The following GPHN variants were observed in gnomAD, a reference collection of about 807,000 sequenced individuals.
The protein encoded by GPHN is gephyrin.
A neutral mutation model predicts 95.5 loss-of-function variants in GPHN; 17 were observed. The ratio of observed to expected loss-of-function variants is 0.18; its 90% confidence interval spans 0.12 to 0.27. The LOEUF is 0.27. GPHN is among the 10% of genes least tolerant of loss of function. The pLI, the probability that GPHN is intolerant of heterozygous loss-of-function variation, is 1.00. For missense variants in GPHN, 660 were observed against 978.1 expected (o/e 0.67, Z 4.34); for synonymous variants, 320 against 322.5 (o/e 0.99, Z 0.08).
intron 10 of GPHN, among the ~76,000 whole-genome samples, chr14:67,024,308 C>T (rs561751930): frequency 3.9e-5 from 6 of 152,170 alleles, no homozygotes; most frequent in Admixed American, 1.3e-4. Context: ...CATTGAAAAT[C>T]GTGTCTTAAA....
At chr14:66,641,668 G>A (rs1952069) in intron 1 of GPHN, among the ~76,000 whole-genome samples, 36,064 of 132,442 alleles carry the variant, frequency 0.27, 8,775 homozygotes, top group African/African-American at 0.61. Flanking sequence ...AAAAAAAAAA[G>A]AGAGAGGTAG....
At chr14:67,257,345 G>A in the GPHN span, among the ~76,000 whole-genome samples, 46 of 152,258 alleles carry the variant, frequency 3.0e-4, no homozygotes, top group South Asian at 8.3e-3. Context: ...TGGGCAAATG[G>A]TGAGGGAGGT....
intron 9 of GPHN, among the ~76,000 whole-genome samples, chr14:66,983,854 T>C (rs754196973): frequency 2.0e-5 from 3 of 152,178 alleles, no homozygotes; most frequent in Non-Finnish European, 2.9e-5. Context: ...ACAGACATAG[T>C]ACATATACAT....
At chr14:67,196,578 AGG>A in the GPHN span, among the ~76,000 whole-genome samples, 1 of 152,208 alleles carries the variant, frequency 6.6e-6, no homozygotes, top group East Asian at 1.9e-4. Context: ...GGTAATCGTA[AGG>A]AGCACACTTT....
the GPHN span, chr14:67,620,032 C>G: frequency 6.2e-7 from 1 of 1,612,234 alleles, no homozygotes; most frequent in Middle Eastern, 1.7e-4. Flanking sequence ...GCATTCCATC[C>G]TGAAGAAATC....
chr14:67,006,150 A>G (rs142295343), intron 9 of GPHN, among the ~76,000 whole-genome samples: 186 of 152,234 alleles, frequency 1.2e-3, no homozygotes, highest in Non-Finnish European at 2.2e-3. Flanking sequence ...CATAAGCAGC[A>G]GCTTGTAGAA....
chr14:67,459,798 A>G, the GPHN span, among the ~76,000 whole-genome samples: 2 of 152,232 alleles, frequency 1.3e-5, no homozygotes, highest in Non-Finnish European at 2.9e-5. Flanking sequence ...CTGGAAAGAC[A>G]ATCTCCCAGG....
At chr14:66,692,953 G>A (rs377645305) in intron 2 of GPHN, among the ~76,000 whole-genome samples, 2 of 151,840 alleles carry the variant, frequency 1.3e-5, no homozygotes, top group Admixed American at 6.6e-5. Flanking sequence ...AAAATTATAA[G>A]CATGGCATTG....
chr14:66,814,127 A>G (rs1595992140), intron 3 of GPHN, among the ~76,000 whole-genome samples: 1 of 152,018 alleles, frequency 6.6e-6, no homozygotes, highest in Middle Eastern at 3.2e-3. Flanking sequence ...CATTGCAGAC[A>G]CCCTTGGTAA....
chr14:66,546,709 C>T (rs1044216325), intron 1 of GPHN, among the ~76,000 whole-genome samples: 5 of 150,264 alleles, frequency 3.3e-5, no homozygotes, highest in African/African-American at 7.3e-5. Context: ...TGCAGTGAGC[C>T]GAGATGGCAG....
chr14:67,012,501 A>G (rs1176973358), intron 9 of GPHN, among the ~76,000 whole-genome samples: 3 of 152,130 alleles, frequency 2.0e-5, no homozygotes, highest in Non-Finnish European at 4.4e-5. Context: ...CAATTACAAC[A>G]GTCTTCTTTG....
At chr14:67,362,956 C>T in the GPHN span, among the ~76,000 whole-genome samples, 1 of 152,132 alleles carries the variant, frequency 6.6e-6, no homozygotes, top group African/African-American at 2.4e-5. Flanking sequence ...TATTCATAGT[C>T]ATATCCCTTC....
the GPHN span, among the ~76,000 whole-genome samples, chr14:67,455,074 T>C: frequency 1.2e-4 from 18 of 152,272 alleles, no homozygotes; most frequent in African/African-American, 4.3e-4. Flanking sequence ...GGTCTTGAAC[T>C]CCTGACCTCA....
At chr14:66,980,249 G>A (rs118158759) in intron 9 of GPHN, among the ~76,000 whole-genome samples, 1,832 of 152,238 alleles carry the variant, frequency 0.012, 19 homozygotes, top group Non-Finnish European at 0.018. Context: ...TGTAAAAAAT[G>A]CAATTATCCA....
chr14:67,039,325 T>C (rs2074583097), intron 10 of GPHN, among the ~76,000 whole-genome samples: 5 of 152,232 alleles, frequency 3.3e-5, no homozygotes, highest in South Asian at 2.1e-4. Context: ...TAAAGCCTTA[T>C]AGTTTGTCCC....
the GPHN span, among the ~76,000 whole-genome samples, chr14:67,255,341 G>A: frequency 6.6e-6 from 1 of 152,166 alleles, no homozygotes; most frequent in African/African-American, 2.4e-5. Flanking sequence ...TTATTTACGT[G>A]ATGAAAGAAT....
At chr14:67,530,960 T>G in the GPHN span, among the ~76,000 whole-genome samples, 4 of 152,230 alleles carry the variant, frequency 2.6e-5, no homozygotes, top group South Asian at 8.3e-4. Flanking sequence ...AAGGACTAAA[T>G]TGGCTCAGAC....
At chr14:67,447,552 A>G in the GPHN span, 1 of 150,028 alleles carries the variant, frequency 6.7e-6, no homozygotes, top group Non-Finnish European at 1.5e-5. Flanking sequence ...GAAAAGTAAT[A>G]GAAAACTAGC....
intron 1 of GPHN, among the ~76,000 whole-genome samples, chr14:66,529,470 T>G (rs2058824405): frequency 6.6e-6 from 1 of 152,150 alleles, no homozygotes; most frequent in Non-Finnish European, 1.5e-5. Flanking sequence ...TTTTGTCAAT[T>G]CATTAGACTC....
Sources: gnomAD v4.1 joint callset for allele counts (sites outside exome capture counted in the v4.1 genomes callset) on GRCh38, gnomAD v4.1.1 for gene constraint, MANE v1.5 for transcripts, NCBI Gene and HGNC (gene_info 2026-07-23, HGNC 2026-07-21) for gene names.